The following EYA2 variants were observed in gnomAD, a reference collection of about 807,000 sequenced individuals.
EYA2 encodes protein phosphatase EYA2.
A neutral mutation model predicts 69.2 loss-of-function variants in EYA2; 31 were observed. That is an observed-to-expected ratio of 0.45 (90% CI 0.34 to 0.60). EYA2 has a LOEUF of 0.60. Ranked by LOEUF, EYA2 falls within the 20% of genes least tolerant of loss-of-function variation. The pLI is 0.02. For missense variants in EYA2, 622 were observed against 701.2 expected, an observed-to-expected ratio of 0.89 and a Z score of 1.28; for synonymous variants, 257 against 279.4, an observed-to-expected ratio of 0.92 and a Z score of 0.80.
In EYA2 at chr20:46,996,368, T is replaced by G. The variant is rs1174863195; in HGVS notation, c.110-5060T>G. ...AACCCCAAATTGTGATAATGCTTAG[T>G]GATGTGTAGTTTTGTATTAGCCAGT... On this transcript the variant is annotated intron_variant, in intron 2 of 15. Transcript: ENST00000327619. Among the ~76,000 whole-genome samples the G allele has an allele frequency of 2.6e-5, 4 of 152,354 alleles. No individual in the cohort carries two copies. The East Asian group carries it at 7.7e-4, about 29-fold the overall frequency.
At chr20:46,966,485 A>G (rs890059113) in intron 1 of EYA2, among the ~76,000 whole-genome samples, 2 of 152,066 alleles carry the variant, frequency 1.3e-5, no homozygotes, top group African/African-American at 4.8e-5. Context: ...TGTAACTGCA[A>G]ATTTTCTAGT....
chr20:47,028,681 G>A (rs1438445995), intron 5 of EYA2, among the ~76,000 whole-genome samples: 1 of 152,234 alleles, frequency 6.6e-6, no homozygotes, highest in East Asian at 1.9e-4. Context: ...CACAACACAT[G>A]TAAAATTGTA....
At chr20:47,176,187 C>G (rs1179121560) in intron 12 of EYA2, among the ~76,000 whole-genome samples, 1 of 151,150 alleles carries the variant, frequency 6.6e-6, no homozygotes, top group African/African-American at 2.4e-5. Context: ...TCAAGTGACT[C>G]TCCTGCCTCA....
intron 12 of EYA2, among the ~76,000 whole-genome samples, chr20:47,177,447 T>C (rs535624306): frequency 6.6e-6 from 1 of 152,322 alleles, no homozygotes; most frequent in South Asian, 2.1e-4. Flanking sequence ...AGAAGATCCT[T>C]TTGTATTTAT....
At chr20:47,022,254 C>T (rs1355984592) in intron 5 of EYA2, among the ~76,000 whole-genome samples, 1 of 152,144 alleles carries the variant, frequency 6.6e-6, no homozygotes, top group Non-Finnish European at 1.5e-5. Context: ...TATGAACGTT[C>T]TTTGAATTTC....
chr20:47,150,598 G>A (rs1367983894), intron 10 of EYA2, among the ~76,000 whole-genome samples: 1 of 151,922 alleles, frequency 6.6e-6, no homozygotes, highest in Non-Finnish European at 1.5e-5. Flanking sequence ...CTCCTGAGTA[G>A]CTGGGACTAT....
At chr20:47,061,017 G>A (rs1271076000) in intron 5 of EYA2, among the ~76,000 whole-genome samples, 1 of 151,942 alleles carries the variant, frequency 6.6e-6, no homozygotes, top group Non-Finnish European at 1.5e-5. Flanking sequence ...ACCATGCCCA[G>A]CTAATTTTGT....
intron 3 of EYA2, among the ~76,000 whole-genome samples, chr20:47,003,285 A>G (rs989883356): frequency 1.3e-5 from 2 of 152,238 alleles, no homozygotes; most frequent in African/African-American, 2.4e-5. Flanking sequence ...ATTACCTCCA[A>G]GGCTTATCAC....
intron 11 of EYA2, among the ~76,000 whole-genome samples, chr20:47,170,477 T>G (rs1175263798): frequency 2.0e-5 from 3 of 151,646 alleles, no homozygotes; most frequent in South Asian, 2.1e-4. Flanking sequence ...TGAAACCCCA[T>G]CTCTACTAAA....
intron 9 of EYA2, among the ~76,000 whole-genome samples, chr20:47,119,372 A>G (rs920162621): frequency 2.0e-5 from 3 of 152,230 alleles, no homozygotes; most frequent in African/African-American, 4.8e-5. Context: ...AAAAGCTCCA[A>G]TGGATGTCTC....
At chr20:47,144,973 A>G (rs1030107399) in intron 10 of EYA2, among the ~76,000 whole-genome samples, 1 of 152,078 alleles carries the variant, frequency 6.6e-6, no homozygotes, top group Non-Finnish European at 1.5e-5. Flanking sequence ...TCAAAACCCA[A>G]CTCGTTTTAA....
chr20:46,920,203 A>G lies in EYA2; in HGVS notation c.-11+25216A>G, dbSNP rs574207168. On this transcript the variant is annotated intron_variant, in intron 1 of 15. Coordinates refer to ENST00000327619, the MANE Select transcript of EYA2 (RefSeq NM_005244.5). Reference sequence around the variant, plus strand: ...AAAATGACACTGATAAACTTGCTCAATGTAGGATTGCCACAAAACTTTAAT... The same window carrying G: ...AAAATGACACTGATAAACTTGCTCAGTGTAGGATTGCCACAAAACTTTAAT... Among the ~76,000 whole-genome samples, 112 of 149,346 alleles carry G rather than the reference A, an allele frequency of 7.5e-4. 2 individuals carry two copies. Among genetic ancestry groups the G allele is most frequent in the Middle Eastern group, 3.4e-3 (1 of 294 alleles).
In EYA2 at chr20:47,049,550, G is replaced by A. The variant is rs59499854; in HGVS notation, c.416-22635G>A. Reference sequence around the variant, plus strand: ...GATCTGGTTGTTTCAAAGAGTCTGGGACCTCCCCCTTTCCCTCTCTCTTGC... The same window carrying A: ...GATCTGGTTGTTTCAAAGAGTCTGGAACCTCCCCCTTTCCCTCTCTCTTGC... On this transcript the variant is annotated intron_variant, in intron 5 of 15. Coordinates refer to ENST00000327619, the MANE Select transcript of EYA2 (RefSeq NM_005244.5). Among the ~76,000 whole-genome samples, 1,073 of 150,206 alleles carry A rather than the reference G, an allele frequency of 7.1e-3. 13 individuals are homozygous for A. The highest frequency in any genetic ancestry group is 0.025 in the African/African-American group (1,023 of 41,106).
chr20:46,908,066 G>A (rs145320172), intron 1 of EYA2, among the ~76,000 whole-genome samples: 2 of 152,158 alleles, frequency 1.3e-5, no homozygotes, highest in East Asian at 1.9e-4. Context: ...TGTGCCTCCC[G>A]CTTCCATTTC....
At chr20:47,064,071 A>T (rs4809620) in intron 5 of EYA2, among the ~76,000 whole-genome samples, 60,429 of 152,010 alleles carry the variant, frequency 0.4, 13,162 homozygotes, top group African/African-American at 0.58. Flanking sequence ...TATTCCTACC[A>T]CAGCCTCCAG....
intron 5 of EYA2, among the ~76,000 whole-genome samples, chr20:47,023,636 T>TTTTG (rs1983895281): frequency 1.0e-5 from 1 of 96,854 alleles, no homozygotes; most frequent in Middle Eastern, 4.7e-3. Context: ...TTGGGTGTTT[T>TTTTG]TTTTTTTTTT....
At chr20:47,040,376 C>G (rs762396484) in intron 5 of EYA2, among the ~76,000 whole-genome samples, 1 of 152,220 alleles carries the variant, frequency 6.6e-6, no homozygotes, top group Non-Finnish European at 1.5e-5. Flanking sequence ...GAGCCTGTCT[C>G]CGTATCTCCC....
intron 14 of EYA2, among the ~76,000 whole-genome samples, chr20:47,182,293 G>T (rs2034551877): frequency 6.6e-6 from 1 of 151,480 alleles, no homozygotes; most frequent in South Asian, 2.1e-4. Flanking sequence ...GGGATTACAG[G>T]CATGAACCAC....
intron 2 of EYA2, among the ~76,000 whole-genome samples, chr20:46,992,945 A>G (rs1981778163): frequency 6.6e-6 from 1 of 151,870 alleles, no homozygotes; most frequent in Non-Finnish European, 1.5e-5. Context: ...CATTCCTTCT[A>G]TTACAGAGTC....
Sources: allele counts gnomAD v4.1 joint callset (sites outside exome capture counted in the v4.1 genomes callset), GRCh38; gene constraint gnomAD v4.1.1; transcripts MANE v1.5; gene names NCBI Gene and HGNC (gene_info 2026-07-23, HGNC 2026-07-21).